Variants in SOX5 observed in about 807,000 individuals in gnomAD.
SOX5 encodes the protein SRY-box transcription factor 5.
Under a neutral mutation model 92.0 loss-of-function variants are expected in SOX5, and 9 were observed. The observed-to-expected ratio is 0.10, with a 90% CI of 0.06 to 0.17. The LOEUF (loss-of-function observed/expected upper bound fraction) is 0.17. SOX5 is among the 10% of genes least tolerant of loss of function. SOX5 has a pLI of 1.00. For missense variants in SOX5, 642 were observed against 944.5 expected, an observed-to-expected ratio of 0.68 and a Z score of 4.20; for synonymous variants, 344 against 336.3, an observed-to-expected ratio of 1.02 and a Z score of -0.25.
At chr12:23,688,392 T>G (rs1188195461) in intron 6 of SOX5, among the ~76,000 whole-genome samples, 2 of 152,108 alleles carry the variant, frequency 1.3e-5, no homozygotes, top group African/African-American at 2.4e-5. Flanking sequence ...ACACTGAAAT[T>G]TTACGTTTTA....
intron 4 of SOX5, among the ~76,000 whole-genome samples, chr12:24,136,286 TAG>T (rs1388113559): frequency 6.6e-6 from 1 of 151,908 alleles, no homozygotes; most frequent in African/African-American, 2.4e-5. Flanking sequence ...CGCAGTGGAG[TAG>T]AGTCATGGGT....
intron 3 of SOX5, among the ~76,000 whole-genome samples, chr12:23,823,195 A>C (rs1342922801): frequency 1.3e-5 from 2 of 152,182 alleles, no homozygotes; most frequent in African/African-American, 4.8e-5. Context: ...TGTTTGATGC[A>C]GTTTCTTCAT....
At chr12:23,561,921 C>T (rs542328215) in intron 11 of SOX5, among the ~76,000 whole-genome samples, 14 of 152,034 alleles carry the variant, frequency 9.2e-5, no homozygotes, top group African/African-American at 3.1e-4. Context: ...GCTATGCTTG[C>T]GAGGAATAGC....
intron 1 of SOX5, among the ~76,000 whole-genome samples, chr12:23,927,017 G>C (rs1055471811): frequency 6.6e-6 from 1 of 152,028 alleles, no homozygotes; most frequent in African/African-American, 2.4e-5. Flanking sequence ...AAGATGATCT[G>C]CTAATACAAA....
chr12:24,022,247 A>G (rs1181799481), intron 4 of SOX5, among the ~76,000 whole-genome samples: 1 of 152,152 alleles, frequency 6.6e-6, no homozygotes, highest in Non-Finnish European at 1.5e-5. Flanking sequence ...TTTCTCAGAT[A>G]TAAAGTAAGA....
rs181311355 is a variant in SOX5, at chr12:23,871,210, C to G, written c.270+24583G>C. ...AATCAAGTTTTCTTTTTGATATTAG[C>G]TTTTGACTCTCTTACTGTCTGAATG... is the stretch of plus-strand genomic sequence containing the variant. On this transcript the variant is annotated intron_variant, in intron 2 of 14. Coordinates refer to ENST00000451604, the MANE Select transcript of SOX5 (RefSeq NM_006940.6). Among the ~76,000 whole-genome samples the G allele has an allele frequency of 5.4e-3, 824 of 152,222 alleles. 4 individuals carry two copies. The highest frequency in any genetic ancestry group is 8.6e-3 in the Non-Finnish European group (583 of 67,968).
At chr12:24,379,948 G>A (rs1048565395) in intron 1 of SOX5, among the ~76,000 whole-genome samples, 2 of 151,538 alleles carry the variant, frequency 1.3e-5, no homozygotes, top group African/African-American at 2.4e-5. Flanking sequence ...TTATGGGAGG[G>A]AGGGAAAACC....
intron 2 of SOX5, among the ~76,000 whole-genome samples, chr12:24,342,676 T>C (rs560199612): frequency 2.6e-5 from 4 of 152,310 alleles, no homozygotes; most frequent in African/African-American, 9.6e-5. Flanking sequence ...CTCTTCTTGT[T>C]TGGGCCACTT....
At chr12:23,600,972 T>A (rs1327557065) in intron 9 of SOX5, among the ~76,000 whole-genome samples, 1 of 152,114 alleles carries the variant, frequency 6.6e-6, no homozygotes. Flanking sequence ...CCATTACCAT[T>A]AGAACAGAAT....
chr12:24,317,188 T>A (rs145373080), intron 2 of SOX5, among the ~76,000 whole-genome samples: 78 of 152,340 alleles, frequency 5.1e-4, no homozygotes, highest in African/African-American at 1.8e-3. Context: ...ATGCTCTAAG[T>A]ATTATTTTAA....
Position 23,546,319 on chromosome 12 carries a change from C to A in SOX5, c.1594G>T (p.Asp532Tyr). 6.5e-7 allele frequency: 1 copy of A among 1,540,080 alleles called. No homozygotes were observed. The highest frequency in any genetic ancestry group is 1.1e-5 in the South Asian group (1 of 88,848). Residue 532 changes from aspartate to tyrosine, a missense_variant, in exon 12 of 15, where the codon GAT (aspartate) becomes TAT (tyrosine). Around this residue, in one of 8 missense-constraint regions of SOX5, gnomAD observed 324 missense variants for 461.6 expected, o/e 0.70. Transcript: ENST00000451604. ...TGTATGAACAATTTTCACAAACCATCAGAATCTCCACTCAGATTGAAATCC... is the reference window on the plus strand; with the variant it reads ...TGTATGAACAATTTTCACAAACCATAAGAATCTCCACTCAGATTGAAATCC... ...MMDFNLSGDS[D>Y]GSAGVSESRI... is the part of the protein sequence containing the mutation.
chr12:23,739,823 A>G (rs1345038495), intron 5 of SOX5, among the ~76,000 whole-genome samples: 3 of 152,210 alleles, frequency 2.0e-5, no homozygotes, highest in Non-Finnish European at 4.4e-5. Context: ...CAATCTAAGG[A>G]GCATTGCCTT....
intron 1 of SOX5, among the ~76,000 whole-genome samples, chr12:24,533,400 C>T (rs1282972232): frequency 6.6e-6 from 1 of 152,124 alleles, no homozygotes. Context: ...AACAAATACC[C>T]TGAAGATCTT....
At chr12:24,294,730 G>A (rs1264352277) in intron 2 of SOX5, among the ~76,000 whole-genome samples, 1 of 152,226 alleles carries the variant, frequency 6.6e-6, no homozygotes, top group Admixed American at 6.5e-5. Flanking sequence ...GCATTTTACT[G>A]AAGGCAAACA....
At chr12:24,144,601 T>C (rs1950891859) in intron 4 of SOX5, among the ~76,000 whole-genome samples, 1 of 149,750 alleles carries the variant, frequency 6.7e-6, no homozygotes, top group African/African-American at 2.5e-5. Flanking sequence ...ACACCAGGAG[T>C]TTGAGATCAG....
chr12:24,373,125 A>AG (rs869163439), intron 1 of SOX5, among the ~76,000 whole-genome samples: 4 of 29,208 alleles, frequency 1.4e-4, no homozygotes, highest in Non-Finnish European at 4.1e-4. Context: ...TGTCAAGAGG[A>AG]AAAAAAAAAC....
intron 2 of SOX5, among the ~76,000 whole-genome samples, chr12:23,875,655 A>G (rs2096919875): frequency 6.6e-6 from 1 of 152,160 alleles, no homozygotes; most frequent in African/African-American, 2.4e-5. Context: ...GCAAGTCTGA[A>G]TTACCACTGA....
At chr12:24,222,063 A>G (rs1174754569) in intron 3 of SOX5, among the ~76,000 whole-genome samples, 1 of 152,192 alleles carries the variant, frequency 6.6e-6, no homozygotes, top group Non-Finnish European at 1.5e-5. Flanking sequence ...TGGAGGTTTG[A>G]GCATAAGTGG....
At chr12:24,173,106 A>T (rs1292609755) in intron 4 of SOX5, among the ~76,000 whole-genome samples, 1 of 151,694 alleles carries the variant, frequency 6.6e-6, no homozygotes, top group Non-Finnish European at 1.5e-5. Flanking sequence ...TCACAATCAC[A>T]CTCCCGTGCC....
Sources: gnomAD v4.1 joint callset for allele counts (sites outside exome capture counted in the v4.1 genomes callset) on GRCh38, gnomAD v4.1.1 for gene constraint, gnomAD v4.1.1 regional missense constraint, MANE v1.5 for transcripts, NCBI Gene and HGNC (gene_info 2026-07-23, HGNC 2026-07-21) for gene names.